Variants in PDE1B observed in about 807,000 individuals in gnomAD.
PDE1B encodes the protein dual specificity calcium/calmodulin-dependent 3',5'-cyclic nucleotide phosphodiesterase 1B.
Under a neutral mutation model 66.7 loss-of-function variants are expected in PDE1B, and 13 were observed. The observed-to-expected ratio is 0.19, with a 90% CI of 0.13 to 0.31. The LOEUF (loss-of-function observed/expected upper bound fraction) is 0.31. Ranked by LOEUF, PDE1B falls within the 10% of genes least tolerant of loss-of-function variation. The pLI is 1.00. For synonymous variants in PDE1B, 230 were observed against 253.9 expected, an observed-to-expected ratio of 0.91 and a Z score of 0.90; for missense variants, 485 against 682.3, an observed-to-expected ratio of 0.71 and a Z score of 3.22.
intron 2 of PDE1B, among the ~76,000 whole-genome samples, chr12:54,564,061 G>C (rs928249375): frequency 6.6e-6 from 1 of 152,098 alleles, no homozygotes; most frequent in Admixed American, 6.5e-5. Context: ...GAGGTGGGGA[G>C]GGAGGGAAAG....
At chr12:54,567,175 G>T (rs770891445) in intron 3 of PDE1B, 88 bp downstream of exon 3, 223 of 667,878 alleles carry the variant, frequency 3.3e-4, no homozygotes, top group Non-Finnish European at 4.7e-4. Context: ...GACACATGTG[G>T]CATGGACAGA....
At chr12:54,559,434 T>A (rs1957378730) in intron 2 of PDE1B, among the ~76,000 whole-genome samples, 1 of 152,062 alleles carries the variant, frequency 6.6e-6, no homozygotes, top group Non-Finnish European at 1.5e-5. Context: ...GTCATCACAT[T>A]TATGTCCTGC....
At chr12:54,556,021 G>A (rs575137831) in intron 2 of PDE1B, among the ~76,000 whole-genome samples, 45 of 152,216 alleles carry the variant, frequency 3.0e-4, no homozygotes, top group African/African-American at 8.4e-4. Context: ...GTCCAGCCCC[G>A]ACTCCTGTCT....
intron 2 of PDE1B, among the ~76,000 whole-genome samples, chr12:54,562,045 C>G (rs1314804002): frequency 2.0e-5 from 3 of 152,118 alleles, no homozygotes; most frequent in African/African-American, 7.2e-5. Flanking sequence ...TTCTAAAGTC[C>G]TTCAGAGTTA....
intron 2 of PDE1B, among the ~76,000 whole-genome samples, chr12:54,563,871 G>A (rs902592667): frequency 3.3e-5 from 5 of 152,092 alleles, no homozygotes; most frequent in East Asian, 1.9e-4. Context: ...ATTGGGTTGC[G>A]AACTGTGGCT....
chr12:54,576,214 A>G (rs1249949), intron 13 of PDE1B, 114 bp downstream of exon 13: 368,232 of 724,124 alleles, frequency 0.51, 94,863 homozygotes, highest in Middle Eastern at 0.68. Flanking sequence ...GGGGAGGCAG[A>G]CTGCTTCAAG....
At position 54,575,328 on chromosome 12, in the gene PDE1B, T is replaced by A; in HGVS notation, c.1185+110T>A. ...TCCTCCTTTTGCTACCTGTAGTCTCTGACCTGATCCCAAATCCTTGGGGTA... is the reference window on the plus strand; with the variant it reads ...TCCTCCTTTTGCTACCTGTAGTCTCAGACCTGATCCCAAATCCTTGGGGTA... On this transcript the variant is annotated intron_variant, in intron 11 of 15. Coordinates refer to ENST00000243052, the MANE Select transcript of PDE1B (RefSeq NM_000924.4). This position sits in a 1 kb window ranked among gnomAD's most constrained non-coding sequence, Gnocchi z 4.0. The A allele has an allele frequency of 1.0e-6, 1 of 998,034 alleles. No individual in the cohort carries two copies. The highest frequency in any genetic ancestry group is 1.6e-5 in the African/African-American group (1 of 62,694). 61.8% of individuals were successfully genotyped at this position (998,034 alleles called of 1,614,324 possible).
At position 54,549,702 on chromosome 12, in the gene PDE1B, C is replaced by T; in HGVS notation, c.-84C>T. Reference sequence around the variant, plus strand: ...CTGGGCAGCGGGAGAGGAGGAGCCGCAGGAGCTGCAGCTCTGCCAGCTTGG... The same window carrying T: ...CTGGGCAGCGGGAGAGGAGGAGCCGTAGGAGCTGCAGCTCTGCCAGCTTGG... On this transcript the variant is annotated 5_prime_UTR_variant, in exon 1 of 16. Transcript: ENST00000243052. The T allele has an allele frequency of 2.0e-6, 1 of 498,398 alleles. No homozygotes were observed. The highest frequency in any genetic ancestry group is 3.5e-6 in the Non-Finnish European group (1 of 281,710). The allele number at this position is 498,398 out of a possible 1,614,324, so 30.9% of individuals were successfully genotyped here. A position where few individuals can be genotyped will look rare whatever the true frequency, so the allele number is the denominator to read the frequency against.
intron 15 of PDE1B, chr12:54,577,563 C>A: frequency 6.6e-7 from 1 of 1,525,540 alleles, no homozygotes; most frequent in Non-Finnish European, 8.8e-7. Flanking sequence ...AAAGGAGGTA[C>A]CTTCTCAGAA....
Position 54,575,621 on chromosome 12 carries a change from A to T in PDE1B, c.1256A>T (p.Gln419Leu). The part of the protein sequence containing the change: ...LCDRTSTLVA[Q>L]SQIGFIDFIV... ...GACCGCACTTCCACTCTAGTGGCAC[A>T]GTCTCAGATAGGTGAGTGTCCTCTC... Residue 419 changes from glutamine (Q) to leucine (L), a missense_variant, in exon 12 of 16, where the codon CAG becomes CTG. By Grantham distance (113) the Gln-to-Leu change is moderately radical. Transcript: ENST00000243052. This position sits in a 1 kb window ranked among gnomAD's most constrained non-coding sequence, Gnocchi z 4.0. 6.2e-7 allele frequency: 1 copy of T among 1,608,502 alleles called. No individual in the cohort carries two copies. The highest frequency in any genetic ancestry group is 8.5e-7 in the Non-Finnish European group (1 of 1,175,648).
At chr12:54,567,685 C>A (rs75549459) in intron 3 of PDE1B, among the ~76,000 whole-genome samples, 1,662 of 152,086 alleles carry the variant, frequency 0.011, 28 homozygotes, top group African/African-American at 0.038. Context: ...TAAAGCTCAT[C>A]TATTCCACTG....
chr12:54,553,559 C>T (rs1477344042), intron 2 of PDE1B, among the ~76,000 whole-genome samples: 1 of 152,158 alleles, frequency 6.6e-6, no homozygotes, highest in Non-Finnish European at 1.5e-5. Flanking sequence ...ACATAACAGG[C>T]ACTCAATAAA....
At chr12:54,577,172 TGGGG>T in intron 14 of PDE1B, 49 bp from the exon 15 acceptor site, 1 of 1,452,730 alleles carries the variant, frequency 6.9e-7, no homozygotes, top group Non-Finnish European at 9.6e-7. Context: ...CCTTGGGTTC[TGGGG>T]AAGAATACTT....
rs1278388653 is a variant in PDE1B at position 54,573,862 on chromosome 12, A to G, written c.1064+153A>G. Reference sequence around the variant, plus strand: ...ATCAGACTGCATCTCTATGTGAGAGAGAGAGAGAGTGTGTGTGTGTGTGTG... The same window carrying G: ...ATCAGACTGCATCTCTATGTGAGAGGGAGAGAGAGTGTGTGTGTGTGTGTG... On this transcript the variant is annotated intron_variant, in intron 10 of 15. Transcript: ENST00000243052. The surrounding 1 kb of genome is among the most constrained non-coding windows in gnomAD (Gnocchi z 5.2). 2.1e-5 allele frequency: 11 copies of G among 529,230 alleles called. No homozygotes were observed. In the Middle Eastern group the frequency reaches 1.5e-3, roughly 70 times the overall value. The allele number at this position is 529,230 out of a possible 1,614,324, so 32.8% of individuals were successfully genotyped here.
chr12:54,573,384 G>A lies in PDE1B; in HGVS notation c.866G>A (p.Arg289His), dbSNP rs779973236. Residue 289 changes from arginine (R) to histidine (H), a missense_variant, in exon 9 of 16, where the codon CGT (arginine) becomes CAT (histidine). This residue lies in a region of PDE1B where 282 missense variants were observed against 453.4 expected (regional missense o/e 0.62). Transcript: ENST00000243052. This position sits in a 1 kb window ranked among gnomAD's most constrained non-coding sequence, Gnocchi z 5.2. The part of the protein sequence containing the change: ...KSECAIVYND[R>H]SVLENHHISS... Reference sequence around the variant, plus strand: ...GAATGTGCCATCGTGTACAATGATCGTTCAGTGCTGGAGAATCACCACATC... The same window carrying A: ...GAATGTGCCATCGTGTACAATGATCATTCAGTGCTGGAGAATCACCACATC... 8.7e-6 allele frequency: 14 copies of A among 1,613,950 alleles called. No individual in the cohort carries two copies. The African/African-American group carries it at 1.1e-4, about 12-fold the overall frequency.
At chr12:54,572,941 G>A (rs1957643352) in intron 7 of PDE1B, among the ~76,000 whole-genome samples, 200 bp downstream of exon 7, 1 of 152,210 alleles carries the variant, frequency 6.6e-6, no homozygotes, top group Admixed American at 6.5e-5. Flanking sequence ...CTAGGGACAT[G>A]TGCTGGGATG....
At position 54,577,328 on chromosome 12, in the gene PDE1B, G is replaced by A. The variant is rs756188035; in HGVS notation, c.1611G>A (p.Ter537=). The A allele has an allele frequency of 6.2e-7, 1 of 1,614,002 alleles. No individual in the cohort carries two copies. The highest frequency in any genetic ancestry group is 8.5e-7 in the Non-Finnish European group (1 of 1,179,972). Reference sequence around the variant, plus strand: ...ACAACCAGAATGGGAATCTGGATTAGCCCTGGGGCTGGCCCAGGTGAGCCT... The same window carrying A: ...ACAACCAGAATGGGAATCTGGATTAACCCTGGGGCTGGCCCAGGTGAGCCT... ...DEHNQNGNLD[*] is the part of the protein sequence containing the mutation. Residue 537 remains the stop codon, a stop_retained_variant, in exon 15 of 16, where the codon TAG becomes TAA. Coordinates refer to ENST00000243052, the MANE Select transcript of PDE1B (RefSeq NM_000924.4).
At chr12:54,567,445 G>T (rs1957534863) in intron 3 of PDE1B, among the ~76,000 whole-genome samples, 1 of 152,020 alleles carries the variant, frequency 6.6e-6, no homozygotes, top group East Asian at 1.9e-4. Context: ...AGAGGTTGCA[G>T]TGAGCTGAGA....
At chr12:54,563,078 T>C (rs1458913964) in intron 2 of PDE1B, among the ~76,000 whole-genome samples, 1 of 152,174 alleles carries the variant, frequency 6.6e-6, no homozygotes, top group African/African-American at 2.4e-5. Flanking sequence ...CCTGATTAAT[T>C]TTCCCCTTTC....
Sources: allele counts gnomAD v4.1 joint callset (sites outside exome capture counted in the v4.1 genomes callset), GRCh38; gene constraint gnomAD v4.1.1; regional missense constraint gnomAD v4.1.1; non-coding constraint Gnocchi (gnomAD v3.1); transcripts MANE v1.5; gene names NCBI Gene and HGNC (gene_info 2026-07-23, HGNC 2026-07-21).